KALRN: variants seen among roughly 807,000 people sequenced by gnomAD.
KALRN encodes kalirin.
In KALRN, 70 loss-of-function variants were observed where a neutral mutation model predicts 353.7. That is an observed-to-expected ratio of 0.20 (90% CI 0.16 to 0.24). The LOEUF (loss-of-function observed/expected upper bound fraction) is 0.24. Among genes scored for constraint, KALRN ranks in the 10% least tolerant of loss-of-function variants. The probability of loss-of-function intolerance (pLI) is 1.00; values close to 1 mark genes in which losing one functional copy is unlikely to be tolerated. For missense variants in KALRN, 2,791 were observed against 3,756.7 expected, an observed-to-expected ratio of 0.74 and a Z score of 6.72; for synonymous variants, 1,391 against 1,434.8, an observed-to-expected ratio of 0.97 and a Z score of 0.69.
intron 34 of KALRN, among the ~76,000 whole-genome samples, chr3:124,573,005 C>G (rs928274791): frequency 6.6e-6 from 1 of 152,200 alleles, no homozygotes; most frequent in Non-Finnish European, 1.5e-5. Context: ...CCATTGCACT[C>G]CAGCCTGGGC....
chr3:124,143,479 T>C (rs2066890570), intron 1 of KALRN, among the ~76,000 whole-genome samples: 1 of 152,216 alleles, frequency 6.6e-6, no homozygotes, highest in Non-Finnish European at 1.5e-5. Flanking sequence ...CACAAAGTCC[T>C]GGATTTGAAT....
Position 124,637,304 on chromosome 3 carries a change from G to C in KALRN, c.5664+1G>C. 1 of 1,610,566 alleles carries C rather than the reference G, an allele frequency of 6.2e-7. No individual in the cohort carries two copies. ...AGAAAAGTTGGTCAAAAACAAGCTG[G>C]TAAGTGGGGGTCCTGGAGGCAGTTC... On this transcript the variant is annotated splice_donor_variant, in intron 37 of 59. Transcript: ENST00000682506. LOFTEE classifies it high-confidence loss of function.
At chr3:124,440,641 A>G (rs930503839) in intron 18 of KALRN, among the ~76,000 whole-genome samples, 1 of 151,052 alleles carries the variant, frequency 6.6e-6, no homozygotes, top group African/African-American at 2.4e-5. Context: ...TAATTATATT[A>G]TTTGTAGGAT....
intron 1 of KALRN, among the ~76,000 whole-genome samples, chr3:124,079,193 G>T (rs577336818): frequency 6.6e-6 from 1 of 152,144 alleles, no homozygotes; most frequent in Non-Finnish European, 1.5e-5. Context: ...GGAAGCAGAG[G>T]GGATTTTTGC....
chr3:124,697,846 G>T (rs1043281657), intron 55 of KALRN, 122 bp downstream of exon 55: 1 of 1,028,426 alleles, frequency 9.7e-7, no homozygotes, highest in Non-Finnish European at 1.4e-6. Context: ...AATTTGAATA[G>T]AGACAGGCTA....
chr3:124,273,402 A>T (rs1355492525), intron 5 of KALRN, among the ~76,000 whole-genome samples: 3 of 152,276 alleles, frequency 2.0e-5, no homozygotes, highest in Non-Finnish European at 4.4e-5. Flanking sequence ...GCAGCTCACC[A>T]TCTAATTAAG....
chr3:124,618,379 T>C (rs1395560227), intron 34 of KALRN, among the ~76,000 whole-genome samples: 1 of 151,584 alleles, frequency 6.6e-6, no homozygotes, highest in Non-Finnish European at 1.5e-5. Context: ...CCTCTCAAAG[T>C]GCTGGGATTA....
intron 21 of KALRN, among the ~76,000 whole-genome samples, chr3:124,448,257 T>TAGC (rs1388999935): frequency 6.6e-6 from 1 of 152,236 alleles, no homozygotes; most frequent in Non-Finnish European, 1.5e-5. Context: ...TGAGCTGTAG[T>TAGC]AGCTTCCTAA....
chr3:124,259,934 G>A lies in KALRN; in HGVS notation c.264-4564G>A, dbSNP rs576811286. On this transcript the variant is annotated intron_variant, in intron 3 of 59. Coordinates refer to ENST00000682506, the MANE Select transcript of KALRN (RefSeq NM_001388419.1). Reference sequence around the variant, plus strand: ...CTACTCTTACACACTCCTTTGGGCTGACCCCAGTTTACCCTCCTTCTGCAC... The same window carrying A: ...CTACTCTTACACACTCCTTTGGGCTAACCCCAGTTTACCCTCCTTCTGCAC... Among the ~76,000 whole-genome samples the A allele has an allele frequency of 5.7e-4, 87 of 152,244 alleles. 1 individual carries two copies. The highest frequency in any genetic ancestry group is 2.1e-3 in the African/African-American group (86 of 41,556).
intron 33 of KALRN, chr3:124,519,860 T>A (rs191694726): frequency 3.2e-5 from 32 of 985,416 alleles, no homozygotes; most frequent in Non-Finnish European, 3.9e-5. Flanking sequence ...AGGCTGTTGA[T>A]ATACAGTGAT....
chr3:124,520,470 T>A (rs1421648967), intron 33 of KALRN, among the ~76,000 whole-genome samples: 1 of 152,070 alleles, frequency 6.6e-6, no homozygotes, highest in East Asian at 1.9e-4. Context: ...CAAGACTAGC[T>A]AGGGCAGGGG....
intron 7 of KALRN, 25 bp from the exon 8 acceptor site, chr3:124,329,836 T>C: frequency 6.2e-7 from 1 of 1,608,226 alleles, no homozygotes; most frequent in Non-Finnish European, 8.5e-7. Context: ...GCTCCCCCAC[T>C]GATCCACCCT....
intron 6 of KALRN, among the ~76,000 whole-genome samples, chr3:124,303,181 A>G (rs2077403841): frequency 6.6e-6 from 1 of 152,324 alleles, no homozygotes; most frequent in East Asian, 1.9e-4. Flanking sequence ...CCTACTAAAT[A>G]TGGTACATAA....
intron 1 of KALRN, among the ~76,000 whole-genome samples, chr3:124,092,460 G>T (rs1577970705): frequency 6.6e-6 from 1 of 152,176 alleles, no homozygotes; most frequent in South Asian, 2.1e-4. Flanking sequence ...ATAAGTCAGG[G>T]GCCAAAGAAA....
intron 34 of KALRN, among the ~76,000 whole-genome samples, chr3:124,569,088 A>T (rs1194260099): frequency 6.6e-6 from 1 of 152,010 alleles, no homozygotes; most frequent in African/African-American, 2.4e-5. Context: ...TTTCCTGTGC[A>T]CTTTCTTCCC....
intron 1 of KALRN, among the ~76,000 whole-genome samples, chr3:124,223,104 G>C (rs1355454028): frequency 3.3e-5 from 5 of 149,920 alleles, no homozygotes; most frequent in African/African-American, 1.2e-4. Context: ...TCCTGTCTCT[G>C]ATAACAGTTA....
At chr3:124,637,084 C>G in intron 36 of KALRN, 124 bp from the exon 37 acceptor site, 1 of 760,494 alleles carries the variant, frequency 1.3e-6, no homozygotes, top group Non-Finnish European at 2.3e-6. Flanking sequence ...TCACCTCTTC[C>G]GTCTAAACAC....
intron 14 of KALRN, among the ~76,000 whole-genome samples, chr3:124,417,301 G>A (rs768188933): frequency 6.6e-5 from 10 of 152,238 alleles, no homozygotes; most frequent in African/African-American, 1.7e-4. Flanking sequence ...ACTGTGGCAC[G>A]CCTTGATTCC....
chr3:124,642,806 G>GTTTTTTTGTTGTTGTTGTTTTT lies in KALRN; in HGVS notation c.5664+5510_5664+5511insGTTGTTGTTGTTTTTTTTTTTT, dbSNP rs1553707032. Among the ~76,000 whole-genome samples the GTTTTTTTGTTGTTGTTGTTTTT allele has an allele frequency of 5.9e-4, 57 of 96,818 alleles. 4 individuals are homozygous for GTTTTTTTGTTGTTGTTGTTTTT. Among genetic ancestry groups the GTTTTTTTGTTGTTGTTGTTTTT allele is most frequent in the Middle Eastern group, 0.012 (2 of 162 alleles). The allele number at this position is 96,818 out of a possible 152,430, so 63.5% of individuals were successfully genotyped here. ...TCTGTGGAAGAGATTCCCAAGCCTC[G>GTTTTTTTGTTGTTGTTGTTTTT]TTTTTTTTTTTTTTTTTTTTGAGAC... On this transcript the variant is annotated intron_variant, in intron 37 of 59. Coordinates refer to ENST00000682506, the MANE Select transcript of KALRN (RefSeq NM_001388419.1).
Sources: allele counts gnomAD v4.1 joint callset (sites outside exome capture counted in the v4.1 genomes callset), GRCh38; gene constraint gnomAD v4.1.1; transcripts MANE v1.5; gene names NCBI Gene and HGNC (gene_info 2026-07-23, HGNC 2026-07-21).